Variants in KIAA1755 observed in about 807,000 individuals in gnomAD.
KIAA1755 encodes uncharacterized protein KIAA1755.
A neutral mutation model predicts 91.7 loss-of-function variants in KIAA1755; 68 were observed. That is an observed-to-expected ratio of 0.74 (90% CI 0.61 to 0.91). The LOEUF (loss-of-function observed/expected upper bound fraction) is 0.91, where lower values mean the gene tolerates loss of function less well. KIAA1755 is among the 40% of genes least tolerant of loss of function. The pLI, the probability that KIAA1755 is intolerant of heterozygous loss-of-function variation, is 0.00. For synonymous variants in KIAA1755, 610 were observed against 604.6 expected, an observed-to-expected ratio of 1.01 and a Z score of -0.13; for missense variants, 1,535 against 1,494.4, an observed-to-expected ratio of 1.03 and a Z score of -0.45.
In KIAA1755 at chr20:38,245,729, G is replaced by A. The variant is rs74765431; in HGVS notation, c.201+200C>T. Among the ~76,000 whole-genome samples the A allele has an allele frequency of 8.7e-3, 1,327 of 152,296 alleles. 28 individuals carry two copies. The highest frequency in any genetic ancestry group is 0.03 in the African/African-American group (1,251 of 41,548). ...GACAGTACAATGTAATGAACTCATA[G>A]ATGTCACAAGGTAAATCCCCTTCGA... is the stretch of plus-strand genomic sequence containing the variant. On this transcript the variant is annotated intron_variant, in intron 2 of 13. Transcript: ENST00000279024.
At chr20:38,256,212 T>G (rs1420020072) in intron 1 of KIAA1755, among the ~76,000 whole-genome samples, 2 of 152,140 alleles carry the variant, frequency 1.3e-5, no homozygotes, top group Non-Finnish European at 2.9e-5. Context: ...ATAGTGGGCT[T>G]CCTAACACAG....
At position 38,228,201 on chromosome 20, in the gene KIAA1755, G is replaced by C; in HGVS notation, c.1911C>G (p.Asp637Glu). Residue 637 changes from aspartate (D) to glutamate (E), a missense_variant, in exon 6 of 14, where the codon GAC (aspartate) becomes GAG (glutamate). Transcript: ENST00000279024. ...CGGGCTGTGGGGGCTGTCTCCTGGCGTCAATCAGGACCGCCAGCCCCTTGG... is the reference window on the plus strand; with the variant it reads ...CGGGCTGTGGGGGCTGTCTCCTGGCCTCAATCAGGACCGCCAGCCCCTTGG... ...DKAKGLAVLIDARRQPPQPGL... is the reference protein window; with the variant it reads ...DKAKGLAVLIEARRQPPQPGL... The C allele has an allele frequency of 6.2e-7, 1 of 1,604,356 alleles. No homozygotes were observed. Among genetic ancestry groups the C allele is most frequent in the Non-Finnish European group, 8.5e-7 (1 of 1,176,016 alleles).
chr20:38,224,089 G>A (rs1171114985), intron 8 of KIAA1755, among the ~76,000 whole-genome samples: 1 of 152,190 alleles, frequency 6.6e-6, no homozygotes, highest in Non-Finnish European at 1.5e-5. Flanking sequence ...CCTTGGGCAA[G>A]TTACTTAACC....
At chr20:38,245,562 G>A (rs1444843307) in intron 2 of KIAA1755, among the ~76,000 whole-genome samples, 1 of 152,356 alleles carries the variant, frequency 6.6e-6, no homozygotes, top group Middle Eastern at 3.4e-3. Context: ...GAAGCTCTAG[G>A]ACCTTCTCTG....
intron 6 of KIAA1755, 62 bp downstream of exon 6, chr20:38,228,085 G>T: frequency 1.6e-6 from 2 of 1,286,228 alleles, no homozygotes; most frequent in Non-Finnish European, 2.1e-6. Context: ...CTCTATGAAT[G>T]TCAGGAGGCC....
At chr20:38,235,026 G>A (rs1202055155) in intron 4 of KIAA1755, among the ~76,000 whole-genome samples, 1 of 152,350 alleles carries the variant, frequency 6.6e-6, no homozygotes, top group South Asian at 2.1e-4. Context: ...GCTGAAAAAT[G>A]TGTTGCATCT....
Position 38,217,419 on chromosome 20 carries a change from G to A in KIAA1755, c.2735C>T (p.Thr912Ile), listed in dbSNP as rs1331825196. 1.2e-6 allele frequency: 2 copies of A among 1,613,106 alleles called. No homozygotes were observed. The highest frequency in any genetic ancestry group is 2.2e-5 in the East Asian group (1 of 44,842). Residue 912 changes from threonine to isoleucine, a missense_variant, in exon 13 of 14, where the codon ACA becomes ATA. Thr to Ile is a moderately conservative substitution (Grantham distance 89). Transcript: ENST00000279024. Reference protein sequence around the residue: ...LSKQAAQLGATARGAGEAERA... With the variant: ...LSKQAAQLGAIARGAGEAERA... ...TTCTGCCTCCCCAGCCCCTCTGGCT[G>A]TAGCTCCCAGCTGAGCGGCCTGCTT...
Position 38,219,598 on chromosome 20 carries a change from C to A in KIAA1755, c.2556+32G>T, listed in dbSNP as rs747225493. The A allele has an allele frequency of 3.1e-6, 5 of 1,611,792 alleles. No individual in the cohort carries two copies. In the East Asian group the frequency reaches 8.9e-5, roughly 29 times the overall value. On this transcript the variant is annotated intron_variant, in intron 11 of 13. Coordinates refer to ENST00000279024, the MANE Select transcript of KIAA1755 (RefSeq NM_001029864.2). The stretch of plus-strand genomic sequence containing the variant: ...TCCTGTGGAATGTGGCCAGGCAGAA[C>A]CCCCACACCCCAAGCCAGACACCCC...
chr20:38,260,668 G>C lies in KIAA1755; in HGVS notation c.-168C>G. The stretch of plus-strand genomic sequence containing the variant: ...CCGGCGTCATCTCGGAGGAGCGGCC[G>C]GGGAGGACAGGGAGAGAGACTGAGA... On this transcript the variant is annotated 5_prime_UTR_variant, in exon 1 of 14. Coordinates refer to ENST00000279024, the MANE Select transcript of KIAA1755 (RefSeq NM_001029864.2). 1.5e-6 allele frequency: 1 copy of C among 671,314 alleles called. No individual in the cohort carries two copies. Among genetic ancestry groups the C allele is most frequent in the East Asian group, 3.3e-5 (1 of 30,458 alleles). The allele number at this position is 671,314 out of a possible 1,614,324, so 41.6% of individuals were successfully genotyped here.
rs1568761940 is a variant in KIAA1755, at chr20:38,240,703, CAAGAAT to C, written c.1422_1427del (p.Phe475_Leu476del). On this transcript the variant is annotated inframe_deletion, in exon 3 of 14. Coordinates refer to ENST00000279024, the MANE Select transcript of KIAA1755 (RefSeq NM_001029864.2). ...TCACAGAGGGTTGCCTCTGCCCTCTCAAGAATGAGAATTTGAGCCCAGGAGTGGGGG... is the reference window on the plus strand; with the variant it reads ...TCACAGAGGGTTGCCTCTGCCCTCTCGAGAATTTGAGCCCAGGAGTGGGGG... 1 of 1,566,490 alleles carries C rather than the reference CAAGAAT, an allele frequency of 6.4e-7. No homozygotes were observed. Among genetic ancestry groups the C allele is most frequent in the Admixed American group, 1.9e-5 (1 of 53,676 alleles).
intron 1 of KIAA1755, 124 bp from the exon 2 acceptor site, chr20:38,246,250 C>G: frequency 1.3e-6 from 1 of 752,280 alleles, no homozygotes; most frequent in Non-Finnish European, 2.2e-6. Context: ...CTCTCCTACC[C>G]CACCCCCCTC....
intron 1 of KIAA1755, among the ~76,000 whole-genome samples, chr20:38,253,863 C>T (rs957798242): frequency 6.6e-6 from 1 of 152,166 alleles, no homozygotes; most frequent in South Asian, 2.1e-4. Context: ...GCTGGACTTT[C>T]TGAGATGTGG....
intron 4 of KIAA1755, among the ~76,000 whole-genome samples, chr20:38,237,312 G>A (rs2075975610): frequency 6.6e-6 from 1 of 151,938 alleles, no homozygotes; most frequent in Non-Finnish European, 1.5e-5. Context: ...GGATCCACTA[G>A]CACCATTGGG....
Position 38,239,783 on chromosome 20 carries a change from G to A in KIAA1755, c.1550-58C>T, listed in dbSNP as rs1309643311. The A allele has an allele frequency of 3.5e-6, 5 of 1,439,686 alleles. No homozygotes were observed. In the African/African-American group the frequency reaches 4.2e-5, roughly 12 times the overall value. 89.2% of individuals were successfully genotyped at this position (1,439,686 alleles called of 1,614,324 possible). A position where few individuals can be genotyped will look rare whatever the true frequency, so the allele number is the denominator to read the frequency against. On this transcript the variant is annotated intron_variant, in intron 3 of 13. Coordinates refer to ENST00000279024, the MANE Select transcript of KIAA1755 (RefSeq NM_001029864.2). ...TAAGCAGAAGATGGGCTTTCTAAGG[G>A]GAAAACGTCTCCTCTTTCTCTTTCT...
chr20:38,240,507 C>A, intron 3 of KIAA1755, 75 bp downstream of exon 3: 1 of 1,400,664 alleles, frequency 7.1e-7, no homozygotes, highest in African/African-American at 1.5e-5. Flanking sequence ...CTATCACTTA[C>A]AACCAAAACC....
At chr20:38,248,762 G>A (rs1350309152) in intron 1 of KIAA1755, among the ~76,000 whole-genome samples, 3 of 148,584 alleles carry the variant, frequency 2.0e-5, no homozygotes, top group South Asian at 2.2e-4. Context: ...GCAGTGTTCC[G>A]ATCTCTGCTT....
Position 38,222,505 on chromosome 20 carries a change from GGC to G in KIAA1755, c.2359_2360del (p.Ala787HisfsTer8), listed in dbSNP as rs1568737743. On this transcript the variant is annotated frameshift_variant, in exon 10 of 14. Coordinates refer to ENST00000279024, the MANE Select transcript of KIAA1755 (RefSeq NM_001029864.2). LOFTEE classifies it high-confidence loss of function. ...GLLGLQREGG[A>X]TLARLQHDAS... ...CATCATGCTGCAGCCTGGCCAGGGT[GGC>G]TCCACCTTCCCGCTGGAGGCCCAGT... 1.2e-6 allele frequency: 2 copies of G among 1,613,842 alleles called. No individual in the cohort carries two copies. The highest frequency in any genetic ancestry group is 1.7e-4 in the Middle Eastern group (1 of 5,974).
At chr20:38,245,608 C>G (rs2123270857) in intron 2 of KIAA1755, among the ~76,000 whole-genome samples, 1 of 152,348 alleles carries the variant, frequency 6.6e-6, no homozygotes. Context: ...TCACCAAAGG[C>G]ACTTGGCAGT....
intron 2 of KIAA1755, 122 bp downstream of exon 2, chr20:38,245,807 C>T (rs1044406988): frequency 2.3e-6 from 2 of 866,548 alleles, no homozygotes; most frequent in Admixed American, 4.4e-5. Flanking sequence ...GGAAAGTCCC[C>T]CCACACCCTC....
Sources: allele counts gnomAD v4.1 joint callset (sites outside exome capture counted in the v4.1 genomes callset), GRCh38; gene constraint gnomAD v4.1.1; transcripts MANE v1.5; gene names NCBI Gene and HGNC (gene_info 2026-07-23, HGNC 2026-07-21).